Variants in RHEB observed in about 807,000 individuals in gnomAD.
RHEB encodes the protein Ras homolog, mTORC1 binding.
Under a neutral mutation model 28.8 loss-of-function variants are expected in RHEB, and 2 were observed. That is an observed-to-expected ratio of 0.07 (90% CI 0.03 to 0.22). The LOEUF is 0.22. Among genes scored for constraint, RHEB ranks in the 10% least tolerant of loss-of-function variants. The pLI is 1.00. For missense variants in RHEB, 76 were observed against 219.9 expected (o/e 0.35, Z 4.14); for synonymous variants, 69 against 77.3 (o/e 0.89, Z 0.56).
intron 2 of RHEB, among the ~76,000 whole-genome samples, chr7:151,490,250 T>A (rs1563095936): frequency 6.6e-6 from 1 of 152,114 alleles, no homozygotes; most frequent in Non-Finnish European, 1.5e-5. Flanking sequence ...CCAGCCTGGG[T>A]AACACTGTGA....
At chr7:151,475,124 T>C (rs17173149) in intron 4 of RHEB, among the ~76,000 whole-genome samples, 3,033 of 152,328 alleles carry the variant, frequency 0.02, 61 homozygotes, top group East Asian at 0.11. Flanking sequence ...ACTAGGCCAG[T>C]GTTTTCTCAA....
At chr7:151,484,429 T>C (rs1802431518) in intron 3 of RHEB, among the ~76,000 whole-genome samples, 1 of 152,186 alleles carries the variant, frequency 6.6e-6, no homozygotes, top group African/African-American at 2.4e-5. Context: ...AAAGACCAAG[T>C]AGACAGCATA....
intron 2 of RHEB, among the ~76,000 whole-genome samples, chr7:151,485,456 T>C (rs998009937): frequency 6.6e-6 from 1 of 152,126 alleles, no homozygotes; most frequent in African/African-American, 2.4e-5. Context: ...CAAACAAATA[T>C]AGACAAAAGA....
intron 3 of RHEB, among the ~76,000 whole-genome samples, chr7:151,478,907 T>C (rs1263468254): frequency 1.3e-5 from 2 of 151,946 alleles, no homozygotes; most frequent in Non-Finnish European, 2.9e-5. Context: ...AGTGCTGGGA[T>C]TACACGTGTG....
At chr7:151,471,105 C>T (rs1264923550) in intron 6 of RHEB, among the ~76,000 whole-genome samples, 2 of 152,218 alleles carry the variant, frequency 1.3e-5, no homozygotes, top group African/African-American at 4.8e-5. Context: ...AATCCCAAAC[C>T]CTGGTACTCA....
intron 7 of RHEB, among the ~76,000 whole-genome samples, chr7:151,469,508 G>C (rs1046779616): frequency 1.6e-5 from 2 of 125,398 alleles, no homozygotes; most frequent in Admixed American, 1.6e-4. Context: ...GGCTGCTGGC[G>C]CCCGGCCCTC....
At chr7:151,494,451 G>C (rs1802640927) in intron 1 of RHEB, among the ~76,000 whole-genome samples, 1 of 152,214 alleles carries the variant, frequency 6.6e-6, no homozygotes, top group African/African-American at 2.4e-5. Flanking sequence ...GTGCAAAAAC[G>C]GAGTGAGAGA....
At chr7:151,504,522 G>GA (rs537517088) in intron 1 of RHEB, among the ~76,000 whole-genome samples, 5 of 151,330 alleles carry the variant, frequency 3.3e-5, no homozygotes, top group Non-Finnish European at 7.4e-5. Context: ...TTTGGTTGAG[G>GA]AAAAAAAAAT....
Position 151,470,609 on chromosome 7 carries a change from T to G in RHEB, c.424A>C (p.Asn142His). Residue 142 changes from asparagine (N) to histidine (H), a missense_variant, in exon 7 of 8, where the codon AAT (asparagine) becomes CAT (histidine). Physicochemically the swap from Asn to His is moderately conservative, Grantham distance 68. Transcript: ENST00000262187. The stretch of plus-strand genomic sequence containing the variant: ...GCAGAAGATTCCAAAAAAGCTGCAT[T>G]CCAAGATTCTGCCAAAGCTTTCCCT... Reference protein sequence around the residue: ...EEGKALAESWNAAFLESSAKE... With the variant: ...EEGKALAESWHAAFLESSAKE... The G allele has an allele frequency of 6.2e-7, 1 of 1,613,670 alleles. No homozygotes were observed. The highest frequency in any genetic ancestry group is 1.1e-5 in the South Asian group (1 of 91,024).
At chr7:151,494,031 CT>C (rs1453328305) in intron 1 of RHEB, among the ~76,000 whole-genome samples, 10 of 152,196 alleles carry the variant, frequency 6.6e-5, no homozygotes, top group Non-Finnish European at 1.3e-4. Flanking sequence ...TTTTTATACC[CT>C]TATGTGGGTA....
Position 151,498,464 on chromosome 7 carries a change from A to C in RHEB, c.53-7450T>G, listed in dbSNP as rs561893488. Among the ~76,000 whole-genome samples the C allele has an allele frequency of 7.9e-5, 12 of 152,180 alleles. No individual in the cohort carries two copies. In the East Asian group the frequency reaches 2.1e-3, roughly 27 times the overall value. ...AGACCCCCCCAGTCTCTATAAAAAA[A>C]ATACAAAAAAAAATTAGCAGGGTGT... On this transcript the variant is annotated intron_variant, in intron 1 of 7. Transcript: ENST00000262187.
intron 1 of RHEB, among the ~76,000 whole-genome samples, chr7:151,498,804 T>TAAG (rs10677363): frequency 0.071 from 10,804 of 152,180 alleles, 1,213 homozygotes; most frequent in African/African-American, 0.24. Flanking sequence ...TTTTGTAGAA[T>TAAG]AAGATTAACT....
chr7:151,519,431 A>T, intron 1 of RHEB, 29 bp downstream of exon 1: 1 of 1,388,716 alleles, frequency 7.2e-7, no homozygotes. Context: ...CGGCGGCGCG[A>T]GGAGGCCGCG....
At chr7:151,505,974 C>T (rs115357920) in intron 1 of RHEB, among the ~76,000 whole-genome samples, 155 of 152,012 alleles carry the variant, frequency 1.0e-3, no homozygotes, top group African/African-American at 3.6e-3. Flanking sequence ...CAGTGCTTCC[C>T]GGGGAGCTGG....
intron 1 of RHEB, among the ~76,000 whole-genome samples, chr7:151,506,299 CTTGG>C (rs1463892821): frequency 6.6e-6 from 1 of 151,824 alleles, no homozygotes; most frequent in Non-Finnish European, 1.5e-5. Context: ...ATCCTCTCAC[CTTGG>C]TCTCTCAAAG....
intron 4 of RHEB, among the ~76,000 whole-genome samples, chr7:151,474,368 A>G (rs1196132242): frequency 6.6e-6 from 1 of 152,086 alleles, no homozygotes; most frequent in African/African-American, 2.4e-5. Context: ...TTTAGTAGAG[A>G]TGAGGTTTCA....
chr7:151,498,398 CT>C (rs1802710961), intron 1 of RHEB, among the ~76,000 whole-genome samples: 1 of 152,000 alleles, frequency 6.6e-6, no homozygotes, highest in Admixed American at 6.6e-5. Flanking sequence ...TGGCAGATTT[CT>C]TGGGCCTAGG....
intron 3 of RHEB, among the ~76,000 whole-genome samples, chr7:151,479,040 T>C (rs188395906): frequency 5.7e-4 from 87 of 152,176 alleles, no homozygotes; most frequent in Middle Eastern, 3.4e-3. Flanking sequence ...GAAAGAATAA[T>C]AGCAATATAA....
At chr7:151,502,802 A>G (rs1802796029) in intron 1 of RHEB, 10 of 1,372,952 alleles carry the variant, frequency 7.3e-6, no homozygotes, top group Non-Finnish European at 9.4e-6. Flanking sequence ...CTGTGCAGCT[A>G]TTTCTGGGGA....
Sources: gnomAD v4.1 joint callset for allele counts (sites outside exome capture counted in the v4.1 genomes callset) on GRCh38, gnomAD v4.1.1 for gene constraint, MANE v1.5 for transcripts, NCBI Gene and HGNC (gene_info 2026-07-23, HGNC 2026-07-21) for gene names.